The following COL13A1 variants were observed in gnomAD, a reference collection of about 807,000 sequenced individuals.
COL13A1 encodes the protein collagen alpha-1(XIII) chain.
In COL13A1, 89 loss-of-function variants were observed where a neutral mutation model predicts 130.9. That is an observed-to-expected ratio of 0.68 (90% CI 0.57 to 0.81). The LOEUF (loss-of-function observed/expected upper bound fraction) is 0.81, where lower values mean the gene tolerates loss of function less well. Among genes scored for constraint, COL13A1 ranks in the 30% least tolerant of loss-of-function variants. COL13A1 has a pLI of 0.00. For missense variants in COL13A1, 879 were observed against 934.6 expected, an observed-to-expected ratio of 0.94 and a Z score of 0.78; for synonymous variants, 402 against 341.6, an observed-to-expected ratio of 1.18 and a Z score of -1.95.
chr10:69,898,724 C>T lies in COL13A1; in HGVS notation c.712C>T (p.Leu238=). 1 of 1,613,668 alleles carries T rather than the reference C, an allele frequency of 6.2e-7. No homozygotes were observed. The highest frequency in any genetic ancestry group is 1.7e-4 in the Middle Eastern group (1 of 6,060). Residue 238 remains leucine, a synonymous_variant, in exon 14 of 41, where the codon CTG becomes TTG. Coordinates refer to ENST00000645393, the MANE Select transcript of COL13A1 (RefSeq NM_001368882.1). ...RLLPLLNSVR[L]APPPVIKRRT... is the part of the protein sequence containing the mutation. ...GCTGCCTCTCCTCAATTCAGTGCGA[C>T]TGGCTCCACCCCCGGTCATAAAAAG...
At chr10:69,946,057 G>A (rs4081173) in intron 37 of COL13A1, among the ~76,000 whole-genome samples, 12,907 of 148,510 alleles carry the variant, frequency 0.087, 662 homozygotes, top group Middle Eastern at 0.21. Context: ...GTGACAGAGC[G>A]AGACTCCATC....
chr10:69,857,050 A>C (rs964322174), intron 2 of COL13A1, among the ~76,000 whole-genome samples: 3 of 152,092 alleles, frequency 2.0e-5, no homozygotes, highest in Non-Finnish European at 4.4e-5. Flanking sequence ...AGCCCCTCTG[A>C]CCCGTGCTGG....
intron 2 of COL13A1, among the ~76,000 whole-genome samples, chr10:69,836,691 A>G (rs1850158212): frequency 6.6e-6 from 1 of 152,146 alleles, no homozygotes; most frequent in Admixed American, 6.5e-5. Flanking sequence ...AGAGCTGGAG[A>G]TGGGCAAACC....
At chr10:69,957,381 G>A (rs562855560) in intron 40 of COL13A1, among the ~76,000 whole-genome samples, 2 of 152,330 alleles carry the variant, frequency 1.3e-5, no homozygotes, top group East Asian at 1.9e-4. Context: ...CTCTAAGGTC[G>A]TTTATGCCAC....
At chr10:69,810,346 ATGAGAGAG>A (rs1285838858) in intron 1 of COL13A1, among the ~76,000 whole-genome samples, 4 of 71,154 alleles carry the variant, frequency 5.6e-5, no homozygotes, top group African/African-American at 2.5e-4. Context: ...GGCCCTGAGA[ATGAGAGAG>A]AGAGAGAGAG....
intron 2 of COL13A1, among the ~76,000 whole-genome samples, chr10:69,847,024 G>A (rs2133397004): frequency 6.6e-6 from 1 of 152,302 alleles, no homozygotes; most frequent in East Asian, 1.9e-4. Flanking sequence ...CCAGCAGAGG[G>A]ACACTCTTTC....
At chr10:69,918,761 G>C (rs570190204) in intron 19 of COL13A1, among the ~76,000 whole-genome samples, 4 of 152,330 alleles carry the variant, frequency 2.6e-5, no homozygotes, top group South Asian at 2.1e-4. Context: ...TGCACTTACA[G>C]GGGGCACCAT....
intron 17 of COL13A1, 70 bp downstream of exon 17, chr10:69,905,892 C>A: frequency 8.4e-6 from 13 of 1,542,252 alleles, no homozygotes; most frequent in Non-Finnish European, 1.2e-5. Flanking sequence ...GGACCTCAGA[C>A]CCAAGAGGGT....
intron 1 of COL13A1, among the ~76,000 whole-genome samples, chr10:69,810,927 A>T (rs1842877074): frequency 6.6e-6 from 1 of 152,188 alleles, no homozygotes; most frequent in Non-Finnish European, 1.5e-5. Context: ...TCCTTCAAAG[A>T]GCAAGGGCCA....
At chr10:69,919,876 C>A (rs1308890707) in intron 21 of COL13A1, 149 bp downstream of exon 21, 7 of 396,634 alleles carry the variant, frequency 1.8e-5, no homozygotes, top group Non-Finnish European at 3.1e-5. Context: ...GACGGCCTGG[C>A]CAAGCTTCAG....
rs138334069 is a variant in COL13A1 at position 69,828,639 on chromosome 10, T to C, written c.364+6201T>C. On this transcript the variant is annotated intron_variant, in intron 2 of 40. Coordinates refer to ENST00000645393, the MANE Select transcript of COL13A1 (RefSeq NM_001368882.1). The stretch of plus-strand genomic sequence containing the variant: ...ATCTTTGTTCTCAGTTTCTACCTAG[T>C]GAACTCTTCACCCCTCCATGTCAGC... 4.5e-3 allele frequency among the ~76,000 whole-genome samples: 693 copies of C among 152,340 alleles called. 7 individuals carry two copies. Among genetic ancestry groups the C allele is most frequent in the African/African-American group, 0.016 (665 of 41,574 alleles).
chr10:69,949,170 T>C (rs1304703004), intron 38 of COL13A1, among the ~76,000 whole-genome samples: 1 of 152,186 alleles, frequency 6.6e-6, no homozygotes, highest in African/African-American at 2.4e-5. Context: ...CCCTCAATCT[T>C]GCCTCCCATT....
chr10:69,908,870 T>C (rs1475458007), intron 17 of COL13A1, among the ~76,000 whole-genome samples: 1 of 151,830 alleles, frequency 6.6e-6, no homozygotes. Flanking sequence ...GTAGAGCAAG[T>C]GCCAATGAAT....
chr10:69,847,990 C>G (rs1284120517), intron 2 of COL13A1, among the ~76,000 whole-genome samples: 1 of 152,238 alleles, frequency 6.6e-6, no homozygotes, highest in Non-Finnish European at 1.5e-5. Context: ...AACTGCCCTT[C>G]TTGCCCCCTG....
intron 35 of COL13A1, among the ~76,000 whole-genome samples, chr10:69,942,823 G>A (rs747481922): frequency 1.3e-5 from 2 of 152,196 alleles, no homozygotes; most frequent in African/African-American, 2.4e-5. Flanking sequence ...ACTCCGTGGC[G>A]CTGTGCCCAA....
chr10:69,950,194 A>G (rs776871827), intron 38 of COL13A1, among the ~76,000 whole-genome samples: 5 of 151,710 alleles, frequency 3.3e-5, no homozygotes, highest in South Asian at 4.2e-4. Flanking sequence ...CCACTGTTAG[A>G]CATTTACTTA....
intron 10 of COL13A1, among the ~76,000 whole-genome samples, chr10:69,893,354 T>C (rs1193591890): frequency 1.3e-5 from 2 of 152,294 alleles, no homozygotes; most frequent in South Asian, 2.1e-4. Flanking sequence ...CCTGTCTCAA[T>C]AAAACAATAA....
chr10:69,867,698 C>T, intron 2 of COL13A1, 100 bp from the exon 3 acceptor site: 1 of 695,928 alleles, frequency 1.4e-6, no homozygotes. Flanking sequence ...AGATGGAAAC[C>T]CCTCCGCTGA....
rs113465486 is a variant in COL13A1 at position 69,847,549 on chromosome 10, G to T, written c.365-20249G>T. On this transcript the variant is annotated intron_variant, in intron 2 of 40. Coordinates refer to ENST00000645393, the MANE Select transcript of COL13A1 (RefSeq NM_001368882.1). ...CTCCTGCTCTTTCTCCTTGCCTCCA[G>T]GCTTATGACACAGGTGAGAAGAGCC... Among the ~76,000 whole-genome samples the T allele has an allele frequency of 2.6e-3, 399 of 152,298 alleles. 4 individuals carry two copies. Among genetic ancestry groups the T allele is most frequent in the African/African-American group, 9.4e-3 (389 of 41,556 alleles).
Sources: gnomAD v4.1 joint callset for allele counts (sites outside exome capture counted in the v4.1 genomes callset) on GRCh38, gnomAD v4.1.1 for gene constraint, MANE v1.5 for transcripts, NCBI Gene and HGNC (gene_info 2026-07-23, HGNC 2026-07-21) for gene names.